RP1: variants seen among roughly 807,000 people sequenced by gnomAD.
RP1 encodes the protein oxygen-regulated protein 1.
In RP1, 16 loss-of-function variants were observed where a neutral mutation model predicts 14.8. That is an observed-to-expected ratio of 1.08 (90% confidence interval 0.73 to 1.65). The LOEUF is 1.65. RP1 is among the 40% of genes most tolerant of loss of function. The pLI, the probability that RP1 is intolerant of heterozygous loss-of-function variation, is 0.00. For missense variants in RP1, 2,631 were observed against 2,535.0 expected (o/e 1.04, Z -0.81); for synonymous variants, 876 against 883.6 (o/e 0.99, Z 0.15).
At position 54,577,500 on chromosome 8, in the gene RP1, T is replaced by G. The variant is rs116286847; in HGVS notation, c.-13+18180T>G. ...CTATGTGGTTTTTCATGTTTACTTGTGTACTTTTTTTGCTTATGAAATTTT... is the reference window on the plus strand; with the variant it reads ...CTATGTGGTTTTTCATGTTTACTTGGGTACTTTTTTTGCTTATGAAATTTT... On this transcript the variant is annotated intron_variant, in intron 1 of 22. Transcript: ENST00000636932. Among the ~76,000 whole-genome samples the G allele has an allele frequency of 7.0e-3, 1,067 of 152,370 alleles. 17 individuals carry two copies. The highest frequency in any genetic ancestry group is 0.024 in the African/African-American group (1,005 of 41,584).
intron 18 of RP1, among the ~76,000 whole-genome samples, chr8:54,735,142 A>G (rs1401738722): frequency 6.6e-6 from 1 of 152,160 alleles, no homozygotes; most frequent in Non-Finnish European, 1.5e-5. Context: ...CAGGTCTGAA[A>G]TTATTTTCTT....
chr8:54,602,206 G>T (rs1045866369), intron 1 of RP1, among the ~76,000 whole-genome samples: 3 of 152,028 alleles, frequency 2.0e-5, no homozygotes, highest in African/African-American at 7.3e-5. Flanking sequence ...CCCACAACAG[G>T]CCCCAGTGTG....
At chr8:54,809,435 G>A (rs1381436474) in intron 24 of RP1, among the ~76,000 whole-genome samples, 2 of 152,208 alleles carry the variant, frequency 1.3e-5, no homozygotes, top group African/African-American at 4.8e-5. Flanking sequence ...CAGTGGCAGA[G>A]ATGGAGTCGA....
intron 22 of RP1, among the ~76,000 whole-genome samples, chr8:54,762,143 G>A (rs1414088345): frequency 6.6e-6 from 1 of 152,160 alleles, no homozygotes; most frequent in Non-Finnish European, 1.5e-5. Flanking sequence ...AGTTAGTTCT[G>A]GGGTACAGGC....
intron 1 of RP1, among the ~76,000 whole-genome samples, chr8:54,577,418 G>A (rs1486557169): frequency 2.0e-5 from 3 of 152,042 alleles, no homozygotes; most frequent in African/African-American, 7.2e-5. Context: ...TATGTAAGAG[G>A]GAAAATGTTG....
In RP1 at chr8:54,695,336, G is replaced by T. The variant is rs141665568; in HGVS notation, c.1718-4131G>T. Among the ~76,000 whole-genome samples the T allele has an allele frequency of 3.3e-5, 5 of 151,810 alleles. No individual in the cohort carries two copies. The East Asian group carries it at 9.7e-4, about 29-fold the overall frequency. ...TTAACTGTTGATGAGATAGTCTTAC[G>T]TGTGGGACTAACAGCAATGACAGTA... On this transcript the variant is annotated intron_variant, in intron 12 of 22. Coordinates refer to the RP1 transcript ENST00000636932.
chr8:54,803,473 C>T (rs1210693946), intron 24 of RP1, among the ~76,000 whole-genome samples: 2 of 152,090 alleles, frequency 1.3e-5, no homozygotes, highest in African/African-American at 4.8e-5. Flanking sequence ...GAAGACTCCC[C>T]TAAGAAAACC....
At chr8:54,560,628 A>C (rs142337852) in intron 1 of RP1, 2 of 152,086 alleles carry the variant, frequency 1.3e-5, no homozygotes, top group Admixed American at 1.3e-4. Context: ...GCAGTGGTTC[A>C]GAACACCTGC....
intron 1 of RP1, among the ~76,000 whole-genome samples, chr8:54,584,106 T>C (rs1804860040): frequency 6.6e-6 from 1 of 152,208 alleles, no homozygotes; most frequent in African/African-American, 2.4e-5. Flanking sequence ...GTGTCAATTT[T>C]AGATCTTGTC....
chr8:54,612,169 C>G (rs1197574299), upstream of RP1, among the ~76,000 whole-genome samples: 1 of 152,130 alleles, frequency 6.6e-6, no homozygotes, highest in African/African-American at 2.4e-5. Flanking sequence ...ATCTTTAAAT[C>G]CCCTGGAAGC....
intron 12 of RP1, among the ~76,000 whole-genome samples, chr8:54,693,785 C>A (rs1485619628): frequency 6.6e-6 from 1 of 152,140 alleles, no homozygotes; most frequent in Non-Finnish European, 1.5e-5. Context: ...TTGACTTCCT[C>A]TTTTCCTAAT....
At chr8:54,785,347 C>G (rs942800016) in intron 24 of RP1, among the ~76,000 whole-genome samples, 1 of 152,038 alleles carries the variant, frequency 6.6e-6, no homozygotes, top group Non-Finnish European at 1.5e-5. Context: ...TGTATCAGTA[C>G]TTTATTCTTT....
At position 54,625,538 on chromosome 8, in the gene RP1, T is replaced by C; in HGVS notation, c.1656T>C (p.Ile552=). ...CAATAAGTGCTGGTGTTATAGAAAT[T>C]ACAAGTCAGAAGATGTTAGAGATGT... is the stretch of plus-strand genomic sequence containing the variant. ...SSAISAGVIE[I]TSQKMLEMSH... Residue 552 remains isoleucine, a synonymous_variant, in exon 4 of 4, where the codon ATT becomes ATC. Coordinates refer to ENST00000220676, the MANE Select transcript of RP1 (RefSeq NM_006269.2). 6.2e-7 allele frequency: 1 copy of C among 1,614,018 alleles called. No individual in the cohort carries two copies. Among genetic ancestry groups the C allele is most frequent in the African/African-American group, 1.3e-5 (1 of 75,046 alleles).
chr8:54,737,430 C>T (rs1808960212), intron 18 of RP1, among the ~76,000 whole-genome samples: 1 of 152,178 alleles, frequency 6.6e-6, no homozygotes, highest in East Asian at 1.9e-4. Flanking sequence ...AGGAAGTTTA[C>T]ACTTAAGTGC....
intron 3 of RP1, among the ~76,000 whole-genome samples, chr8:54,644,094 C>G (rs770816202): frequency 6.6e-6 from 1 of 152,200 alleles, no homozygotes; most frequent in South Asian, 2.1e-4. Context: ...ACCAAAATTC[C>G]TCTCCATTCA....
chr8:54,766,127 C>T (rs1809754908), intron 22 of RP1, among the ~76,000 whole-genome samples: 1 of 152,054 alleles, frequency 6.6e-6, no homozygotes, highest in African/African-American at 2.4e-5. Flanking sequence ...GTAACATACT[C>T]AGATGTCTCA....
At chr8:54,839,201 C>G (rs1811735808) in intron 25 of RP1, among the ~76,000 whole-genome samples, 3 of 152,118 alleles carry the variant, frequency 2.0e-5, no homozygotes, top group African/African-American at 4.8e-5. Context: ...TCTTTACTCC[C>G]CTTTGAGCCT....
intron 7 of RP1, among the ~76,000 whole-genome samples, chr8:54,667,831 T>C (rs1312990435): frequency 1.3e-5 from 2 of 152,076 alleles, no homozygotes; most frequent in African/African-American, 2.4e-5. Context: ...GGCTCTGAAA[T>C]TGGGGCAATA....
At chr8:54,700,762 G>A (rs1807994466) in intron 13 of RP1, among the ~76,000 whole-genome samples, 1 of 152,158 alleles carries the variant, frequency 6.6e-6, no homozygotes, top group Non-Finnish European at 1.5e-5. Flanking sequence ...TTTCACAGAA[G>A]ATTTCATCTG....
Sources: allele counts gnomAD v4.1 joint callset (sites outside exome capture counted in the v4.1 genomes callset), GRCh38; gene constraint gnomAD v4.1.1; transcripts MANE v1.5; gene names NCBI Gene and HGNC (gene_info 2026-07-23, HGNC 2026-07-21).